Variants in CNOT4 observed in about 807,000 individuals in gnomAD.
CNOT4 encodes the protein CCR4-associated factor 4.
In CNOT4, 8 loss-of-function variants were observed where a neutral mutation model predicts 73.8. That is an observed-to-expected ratio of 0.11 (90% CI 0.06 to 0.20). The LOEUF (loss-of-function observed/expected upper bound fraction) is 0.20, where lower values mean the gene tolerates loss of function less well. Ranked by LOEUF, CNOT4 falls within the 10% of genes least tolerant of loss-of-function variation. The pLI, the probability that CNOT4 is intolerant of heterozygous loss-of-function variation, is 1.00. For missense variants in CNOT4, 564 were observed against 883.4 expected, an observed-to-expected ratio of 0.64 and a Z score of 4.58; for synonymous variants, 293 against 321.1, an observed-to-expected ratio of 0.91 and a Z score of 0.94.
chr7:135,469,379 C>A (rs776026671), intron 1 of CNOT4, among the ~76,000 whole-genome samples: 6 of 152,066 alleles, frequency 3.9e-5, no homozygotes, highest in Non-Finnish European at 5.9e-5. Context: ...AACAAAAATT[C>A]TCTTTTTGTT....
chr7:135,410,756 AT>A, intron 6 of CNOT4, 108 bp from the exon 7 acceptor site: 1 of 655,648 alleles, frequency 1.5e-6, no homozygotes. Flanking sequence ...AATAAATAAT[AT>A]TTTTAAAAAA....
At chr7:135,480,698 A>G (rs1288719692) in intron 1 of CNOT4, among the ~76,000 whole-genome samples, 1 of 152,228 alleles carries the variant, frequency 6.6e-6, no homozygotes, top group African/African-American at 2.4e-5. Context: ...AATGTCTTTT[A>G]GGAATACAAA....
At chr7:135,414,084 T>C (rs1232282549) in intron 5 of CNOT4, among the ~76,000 whole-genome samples, 3 of 152,006 alleles carry the variant, frequency 2.0e-5, no homozygotes, top group African/African-American at 7.2e-5. Flanking sequence ...AAATAAGATA[T>C]ATGTAAAAAT....
chr7:135,461,134 A>T (rs1462678022), intron 1 of CNOT4, among the ~76,000 whole-genome samples: 1 of 152,144 alleles, frequency 6.6e-6, no homozygotes, highest in African/African-American at 2.4e-5. Flanking sequence ...ATTACCCCAC[A>T]ATTTTAGGTG....
At chr7:135,407,603 A>T (rs904703626) in intron 7 of CNOT4, among the ~76,000 whole-genome samples, 1 of 152,228 alleles carries the variant, frequency 6.6e-6, no homozygotes, top group Non-Finnish European at 1.5e-5. Context: ...GTGGTAGGAG[A>T]TCCAATACAA....
At chr7:135,470,716 T>C (rs750779190) in intron 1 of CNOT4, among the ~76,000 whole-genome samples, 5 of 152,178 alleles carry the variant, frequency 3.3e-5, no homozygotes, top group African/African-American at 4.8e-5. Context: ...GAAAGCATTA[T>C]GCTCAGTAAA....
At chr7:135,498,441 G>A (rs1188783366) in intron 1 of CNOT4, among the ~76,000 whole-genome samples, 1 of 152,100 alleles carries the variant, frequency 6.6e-6, no homozygotes, top group Non-Finnish European at 1.5e-5. Flanking sequence ...GGTGACACAG[G>A]TCTAACTTGT....
chr7:135,381,726 T>C (rs1795855523), intron 10 of CNOT4, among the ~76,000 whole-genome samples: 1 of 152,134 alleles, frequency 6.6e-6, no homozygotes. Context: ...AATTAAAGAA[T>C]GGTACTGGGT....
intron 10 of CNOT4, among the ~76,000 whole-genome samples, chr7:135,389,157 CAAA>C (rs11292254): frequency 1.3e-4 from 11 of 83,680 alleles, no homozygotes; most frequent in South Asian, 1.2e-3. Context: ...AACATACTAC[CAAA>C]AAAAAAAAAA....
chr7:135,490,647 C>T (rs759372479), intron 1 of CNOT4, among the ~76,000 whole-genome samples: 8 of 152,212 alleles, frequency 5.3e-5, no homozygotes, highest in Non-Finnish European at 1.2e-4. Flanking sequence ...TCCCCACCCA[C>T]ACTAACAAGC....
chr7:135,491,147 C>T (rs986918491), intron 1 of CNOT4, among the ~76,000 whole-genome samples: 1 of 152,162 alleles, frequency 6.6e-6, no homozygotes, highest in Non-Finnish European at 1.5e-5. Flanking sequence ...CCATTTTGGA[C>T]ATGTTGAGTG....
intron 1 of CNOT4, among the ~76,000 whole-genome samples, chr7:135,464,553 G>A (rs1212973689): frequency 1.3e-5 from 2 of 152,084 alleles, no homozygotes; most frequent in Non-Finnish European, 2.9e-5. Context: ...GGGGAGGGTG[G>A]AAGGAGGGAG....
intron 1 of CNOT4, among the ~76,000 whole-genome samples, chr7:135,481,589 C>A (rs1321068303): frequency 6.6e-6 from 1 of 152,102 alleles, no homozygotes; most frequent in African/African-American, 2.4e-5. Context: ...GCAATCCCAC[C>A]ACTGTATTTA....
At chr7:135,457,504 T>C (rs574544325) in intron 1 of CNOT4, among the ~76,000 whole-genome samples, 1 of 152,186 alleles carries the variant, frequency 6.6e-6, no homozygotes, top group South Asian at 2.1e-4. Flanking sequence ...GACAACTAAC[T>C]ATCATTATTA....
At chr7:135,456,762 C>A (rs960947213) in intron 1 of CNOT4, among the ~76,000 whole-genome samples, 2 of 151,894 alleles carry the variant, frequency 1.3e-5, no homozygotes, top group Non-Finnish European at 2.9e-5. Context: ...ACCCCATCCC[C>A]GAAAATTTTC....
chr7:135,449,631 T>C (rs1040792013), intron 1 of CNOT4, among the ~76,000 whole-genome samples: 2 of 152,174 alleles, frequency 1.3e-5, no homozygotes, highest in Non-Finnish European at 2.9e-5. Flanking sequence ...CAGAAGGCAG[T>C]AATGTATCTT....
At chr7:135,400,996 T>C (rs1228246008) in intron 7 of CNOT4, among the ~76,000 whole-genome samples, 1 of 152,176 alleles carries the variant, frequency 6.6e-6, no homozygotes, top group African/African-American at 2.4e-5. Context: ...TAATTGGAAC[T>C]ATCAGTGGAA....
chr7:135,420,104 T>C (rs1159039527), intron 3 of CNOT4, among the ~76,000 whole-genome samples: 1 of 151,726 alleles, frequency 6.6e-6, no homozygotes, highest in African/African-American at 2.4e-5. Context: ...AATCCAAATA[T>C]CATATTCAGT....
At chr7:135,372,844 C>G (rs191164269) in intron 10 of CNOT4, among the ~76,000 whole-genome samples, 1 of 152,082 alleles carries the variant, frequency 6.6e-6, no homozygotes, top group African/African-American at 2.4e-5. Context: ...CGTGAGCCAC[C>G]GCACCCAGCC....
Sources: gnomAD v4.1 joint callset for allele counts (sites outside exome capture counted in the v4.1 genomes callset) on GRCh38, gnomAD v4.1.1 for gene constraint, MANE v1.5 for transcripts, NCBI Gene and HGNC (gene_info 2026-07-23, HGNC 2026-07-21) for gene names.